The following FSTL5 variants were observed in gnomAD, a reference collection of about 807,000 sequenced individuals.
FSTL5 encodes the protein follistatin-related protein 5.
A neutral mutation model predicts 89.1 loss-of-function variants in FSTL5; 62 were observed. The ratio of observed to expected loss-of-function variants is 0.70; its 90% CI spans 0.57 to 0.86. The LOEUF (loss-of-function observed/expected upper bound fraction) is 0.86, where lower values mean the gene tolerates loss of function less well. Ranked by LOEUF, FSTL5 falls within the 40% of genes least tolerant of loss-of-function variation. The probability of loss-of-function intolerance (pLI) is 0.00; values close to 1 mark genes in which losing one functional copy is unlikely to be tolerated. For synonymous variants in FSTL5, 383 were observed against 346.2 expected, an observed-to-expected ratio of 1.11 and a Z score of -1.18; for missense variants, 1,057 against 1,001.6, an observed-to-expected ratio of 1.06 and a Z score of -0.75.
At chr4:161,402,659 C>A (rs1411341926) in intron 15 of FSTL5, among the ~76,000 whole-genome samples, 2 of 152,132 alleles carry the variant, frequency 1.3e-5, no homozygotes, top group African/African-American at 4.8e-5. Flanking sequence ...GATCTGCTAT[C>A]ACTTTTATAG....
chr4:161,820,552 A>G (rs1056607055), intron 4 of FSTL5, among the ~76,000 whole-genome samples: 3 of 152,154 alleles, frequency 2.0e-5, no homozygotes, highest in Non-Finnish European at 2.9e-5. Flanking sequence ...AATGTTTCTT[A>G]TAGTAGGGTA....
At chr4:162,128,350 C>T (rs1043929729) in intron 1 of FSTL5, among the ~76,000 whole-genome samples, 6 of 152,070 alleles carry the variant, frequency 3.9e-5, no homozygotes, top group Non-Finnish European at 8.8e-5. Flanking sequence ...TCCTAACAAC[C>T]AAGGTGATAA....
At chr4:161,499,898 C>A in intron 12 of FSTL5, 118 bp downstream of exon 12, 1 of 649,938 alleles carries the variant, frequency 1.5e-6, no homozygotes. Context: ...TCATGGGTTT[C>A]ATAATTTTCT....
At chr4:161,942,186 T>A (rs987369296) in intron 3 of FSTL5, among the ~76,000 whole-genome samples, 3 of 150,738 alleles carry the variant, frequency 2.0e-5, no homozygotes, top group Middle Eastern at 3.5e-3. Flanking sequence ...AGAAGGAAGA[T>A]CTCAAATCAA....
chr4:161,854,806 CT>C (rs1731671694), intron 4 of FSTL5, among the ~76,000 whole-genome samples: 1 of 151,882 alleles, frequency 6.6e-6, no homozygotes, highest in South Asian at 2.1e-4. Context: ...TATACCTTTA[CT>C]TTTTAAGGTT....
chr4:161,866,220 T>G (rs1579153552), intron 4 of FSTL5, among the ~76,000 whole-genome samples: 1 of 152,324 alleles, frequency 6.6e-6, no homozygotes, highest in East Asian at 1.9e-4. Context: ...AATTACTTTC[T>G]GGAACTTTAC....
intron 6 of FSTL5, among the ~76,000 whole-genome samples, chr4:161,751,790 GA>G (rs397732732): frequency 1.3e-5 from 2 of 149,036 alleles, no homozygotes; most frequent in Admixed American, 6.7e-5. Context: ...CAAAAAAAAA[GA>G]AAAAAAAAGG....
intron 2 of FSTL5, among the ~76,000 whole-genome samples, chr4:162,045,607 T>TTATCA (rs1738140221): frequency 2.0e-5 from 3 of 152,098 alleles, no homozygotes; most frequent in South Asian, 2.1e-4. Flanking sequence ...ATTATCAAAA[T>TTATCA]GTGACACAGT....
At chr4:161,831,692 A>T (rs1472429473) in intron 4 of FSTL5, among the ~76,000 whole-genome samples, 1 of 151,940 alleles carries the variant, frequency 6.6e-6, no homozygotes, top group African/African-American at 2.4e-5. Context: ...AGTTTTAAAA[A>T]GTAAGAACTT....
chr4:161,588,167 C>T (rs1372921431), intron 7 of FSTL5, among the ~76,000 whole-genome samples: 1 of 152,020 alleles, frequency 6.6e-6, no homozygotes, highest in African/African-American at 2.4e-5. Flanking sequence ...GAGTGAGACT[C>T]TGTCTCTAAA....
chr4:161,449,430 G>T (rs999317441), intron 15 of FSTL5, among the ~76,000 whole-genome samples: 1 of 152,100 alleles, frequency 6.6e-6, no homozygotes, highest in South Asian at 2.1e-4. Flanking sequence ...ATAATCAAAT[G>T]GTAGTTTGGG....
intron 15 of FSTL5, among the ~76,000 whole-genome samples, chr4:161,412,702 T>C (rs1458603823): frequency 2.0e-5 from 3 of 152,130 alleles, no homozygotes; most frequent in African/African-American, 7.2e-5. Context: ...AGTTTGGTAC[T>C]GGCACTAAAA....
chr4:161,660,177 A>C (rs1395408110), intron 6 of FSTL5, among the ~76,000 whole-genome samples: 1 of 152,186 alleles, frequency 6.6e-6, no homozygotes, highest in Non-Finnish European at 1.5e-5. Context: ...TACCTTTTTA[A>C]TTCAGCTTTT....
chr4:161,528,812 G>A (rs1276268415), intron 10 of FSTL5, among the ~76,000 whole-genome samples: 3 of 143,086 alleles, frequency 2.1e-5, no homozygotes, highest in African/African-American at 7.5e-5. Flanking sequence ...AAACCTCAAA[G>A]AGAGTCCTAA....
chr4:162,005,454 G>C (rs549815924), intron 3 of FSTL5, among the ~76,000 whole-genome samples: 2 of 152,202 alleles, frequency 1.3e-5, no homozygotes, highest in Non-Finnish European at 2.9e-5. Flanking sequence ...TTATTGAATA[G>C]ATGGTGGTAA....
rs192305148 is a variant in FSTL5 at position 161,881,205 on chromosome 4, T to G, written c.409+39199A>C. On this transcript the variant is annotated intron_variant, in intron 4 of 15. Transcript: ENST00000306100. Reference sequence around the variant, plus strand: ...TAATATATTTAACATTTTAATAATATTAATATATTTAATATTTTAATAAAT... The same window carrying G: ...TAATATATTTAACATTTTAATAATAGTAATATATTTAATATTTTAATAAAT... Among the ~76,000 whole-genome samples, 261 of 148,724 alleles carry G rather than the reference T, an allele frequency of 1.8e-3. 1 individual carries two copies. The highest frequency in any genetic ancestry group is 6.0e-3 in the African/African-American group (244 of 40,974).
chr4:161,616,162 C>G (rs1560980631), intron 7 of FSTL5, among the ~76,000 whole-genome samples: 1 of 151,924 alleles, frequency 6.6e-6, no homozygotes, highest in Admixed American at 6.6e-5. Flanking sequence ...TCTCGACTCA[C>G]TGCAACCTCT....
chr4:161,412,208 T>C (rs1277022121), intron 15 of FSTL5, among the ~76,000 whole-genome samples: 3 of 151,962 alleles, frequency 2.0e-5, no homozygotes, highest in Non-Finnish European at 4.4e-5. Flanking sequence ...TTAATAGAAA[T>C]ACATTACATG....
intron 10 of FSTL5, among the ~76,000 whole-genome samples, chr4:161,524,861 G>C (rs1319835809): frequency 6.6e-6 from 1 of 151,940 alleles, no homozygotes; most frequent in Non-Finnish European, 1.5e-5. Context: ...AGCAGGCTGA[G>C]GCAGGAGAAC....
Sources: allele counts gnomAD v4.1 joint callset (sites outside exome capture counted in the v4.1 genomes callset), GRCh38; gene constraint gnomAD v4.1.1; transcripts MANE v1.5; gene names NCBI Gene and HGNC (gene_info 2026-07-23, HGNC 2026-07-21).